Variants in TIMM23B observed in about 807,000 individuals in gnomAD.
TIMM23B encodes translocase of inner mitochondrial membrane 23 homolog B.
Under a neutral mutation model 27.3 loss-of-function variants are expected in TIMM23B, and 27 were observed. That is an observed-to-expected ratio of 0.99 (90% CI 0.73 to 1.36). The LOEUF (loss-of-function observed/expected upper bound fraction) is 1.36. Among genes scored for constraint, TIMM23B ranks in the 40% most tolerant of loss-of-function variants. The pLI is 0.00. For missense variants in TIMM23B, 205 were observed against 244.2 expected (o/e 0.84, Z 1.07); for synonymous variants, 73 against 92.4 (o/e 0.79, Z 1.21).
rs1476911804 is a variant in TIMM23B at position 49,952,493 on chromosome 10, G to A, written c.304G>A (p.Glu102Lys). ...AMNGLRLGLK[E>K]TQNMAWSKPG... is the part of the protein sequence containing the mutation. ...GAATGGTCTTCGGCTAGGATTGAAGGAAACCCAGAACATGGCCTGGTCCAA... is the reference window on the plus strand; with the variant it reads ...GAATGGTCTTCGGCTAGGATTGAAGAAAACCCAGAACATGGCCTGGTCCAA... Residue 102 changes from glutamate (E) to lysine (K), a missense_variant, in exon 4 of 7, where the codon GAA becomes AAA. Transcript: ENST00000651259. The A allele has an allele frequency of 1.2e-6, 2 of 1,613,052 alleles. No homozygotes were observed. The highest frequency in any genetic ancestry group is 1.7e-6 in the Non-Finnish European group (2 of 1,179,464).
chr10:49,944,910 T>A (rs2133046745), intron 1 of TIMM23B, 122 bp from the exon 2 acceptor site: 1 of 1,262,464 alleles, frequency 7.9e-7, no homozygotes, highest in Non-Finnish European at 1.1e-6. Context: ...TGGGAAAAAA[T>A]TTTCTGCCTT....
intron 1 of TIMM23B, among the ~76,000 whole-genome samples, chr10:49,943,714 C>T (rs2133042796): frequency 6.9e-6 from 1 of 143,992 alleles, no homozygotes; most frequent in East Asian, 2.0e-4. Context: ...TTTCTGGGGG[C>T]AGGACTATAG....
At chr10:49,948,191 G>A (rs1839413517) in intron 2 of TIMM23B, among the ~76,000 whole-genome samples, 1 of 152,068 alleles carries the variant, frequency 6.6e-6, no homozygotes, top group South Asian at 2.1e-4. Flanking sequence ...ACACCCACGG[G>A]GATCACTATA....
intron 1 of TIMM23B, among the ~76,000 whole-genome samples, chr10:49,943,682 C>CT (rs1159991765): frequency 6.8e-6 from 1 of 147,792 alleles, no homozygotes; most frequent in East Asian, 2.0e-4. Context: ...ATTTACTGAG[C>CT]TTTTACAGTG....
At chr10:49,957,137 G>C (rs1839750724) in intron 5 of TIMM23B, among the ~76,000 whole-genome samples, 1 of 151,940 alleles carries the variant, frequency 6.6e-6, no homozygotes, top group Non-Finnish European at 1.5e-5. Flanking sequence ...CTGTGCTTCT[G>C]ACCAACCAGC....
chr10:49,950,832 G>A (rs1244765421), intron 2 of TIMM23B, among the ~76,000 whole-genome samples: 10,095 of 151,910 alleles, frequency 0.066, 172 homozygotes, highest in African/African-American at 0.12. Flanking sequence ...GGGAGGCACC[G>A]TGCCTGGCCA....
intron 6 of TIMM23B, among the ~76,000 whole-genome samples, chr10:49,963,479 G>A (rs1189641641): frequency 6.6e-6 from 1 of 152,128 alleles, no homozygotes; most frequent in African/African-American, 2.4e-5. Flanking sequence ...GAGATGACAT[G>A]AGATGAAATG....
At chr10:49,955,705 C>T (rs1313946954) in intron 5 of TIMM23B, among the ~76,000 whole-genome samples, 2 of 152,112 alleles carry the variant, frequency 1.3e-5, no homozygotes, top group Non-Finnish European at 2.9e-5. Flanking sequence ...TTGAAAATCT[C>T]AATTTAAATT....
At chr10:49,964,870 G>A (rs1431644904) in intron 6 of TIMM23B, among the ~76,000 whole-genome samples, 3 of 151,536 alleles carry the variant, frequency 2.0e-5, no homozygotes, top group African/African-American at 7.3e-5. Flanking sequence ...GGGTGATAGA[G>A]TGAGACTCCG....
chr10:49,971,240 A>G (rs1210041991), intron 6 of TIMM23B, among the ~76,000 whole-genome samples: 11 of 151,528 alleles, frequency 7.3e-5, no homozygotes, highest in African/African-American at 2.4e-4. Flanking sequence ...CCTTGTTCAC[A>G]TGTTTATCTG....
chr10:49,973,097 T>G lies in TIMM23B; in HGVS notation c.*33T>G. On this transcript the variant is annotated 3_prime_UTR_variant, in exon 7 of 7. Coordinates refer to ENST00000651259, the MANE Select transcript of TIMM23B (RefSeq NM_001290117.2). ...TGTAGAGGTGTGTGTCAATCCCAAC[T>G]GGTGAAGTACTGAGAAGAAGCTACA... The G allele has an allele frequency of 1.3e-6, 2 of 1,529,390 alleles. No individual in the cohort carries two copies. The highest frequency in any genetic ancestry group is 1.7e-6 in the Non-Finnish European group (2 of 1,143,118). 94.7% of individuals were successfully genotyped at this position (1,529,390 alleles called of 1,614,324 possible).
At chr10:49,951,668 T>C (rs1839533040) in intron 2 of TIMM23B, among the ~76,000 whole-genome samples, 1 of 152,172 alleles carries the variant, frequency 6.6e-6, no homozygotes, top group Non-Finnish European at 1.5e-5. Flanking sequence ...CATTTGCCCT[T>C]GCATAATTGA....
intron 6 of TIMM23B, among the ~76,000 whole-genome samples, chr10:49,971,410 AT>A (rs1840443119): frequency 6.6e-6 from 1 of 152,050 alleles, no homozygotes; most frequent in Admixed American, 6.5e-5. Flanking sequence ...CATCCTTGTT[AT>A]TGATCTTTGT....
Position 49,942,111 on chromosome 10 carries a change from A to G in TIMM23B, c.-84A>G. ...AAGTAGGCGCTGGCAACGCGGGGTT[A>G]CCCGCTGTTATTGAGGAGTAACGGC... On this transcript the variant is annotated 5_prime_UTR_variant, in exon 1 of 7. Coordinates refer to ENST00000651259, the MANE Select transcript of TIMM23B (RefSeq NM_001290117.2). The G allele has an allele frequency of 6.9e-7, 1 of 1,452,408 alleles. No individual in the cohort carries two copies. Among genetic ancestry groups the G allele is most frequent in the Non-Finnish European group, 9.2e-7 (1 of 1,083,076 alleles). The allele number at this position is 1,452,408 out of a possible 1,614,324, so 90.0% of individuals were successfully genotyped here. A position where few individuals can be genotyped will look rare whatever the true frequency, so the allele number is the denominator to read the frequency against.
chr10:49,960,766 A>G (rs1403541537), intron 6 of TIMM23B, among the ~76,000 whole-genome samples: 1 of 152,090 alleles, frequency 6.6e-6, no homozygotes, highest in Non-Finnish European at 1.5e-5. Flanking sequence ...GTAATAAATA[A>G]CAGTTGAGCC....
intron 3 of TIMM23B, 94 bp from the exon 4 acceptor site, chr10:49,952,355 A>G (rs1839559047): frequency 1.0e-5 from 15 of 1,500,662 alleles, no homozygotes; most frequent in Non-Finnish European, 1.3e-5. Flanking sequence ...ATTAAATAAA[A>G]ATGAAAAAGA....
At position 49,966,084 on chromosome 10, in the gene TIMM23B, AC is replaced by A. The variant is rs1554855399; in HGVS notation, c.515-6927del. Among the ~76,000 whole-genome samples, 17 of 146,100 alleles carry A rather than the reference AC, an allele frequency of 1.2e-4. No individual in the cohort carries two copies. The East Asian group carries it at 3.0e-3, about 26-fold the overall frequency. On this transcript the variant is annotated intron_variant, in intron 6 of 6. Coordinates refer to ENST00000651259, the MANE Select transcript of TIMM23B (RefSeq NM_001290117.2). ...AAATGAAATGACATGACATGACATG[AC>A]ATGACATGACATGATGAAATGAAAT...
At chr10:49,945,139 A>G in intron 2 of TIMM23B, 49 bp downstream of exon 2, 1 of 1,600,228 alleles carries the variant, frequency 6.2e-7, no homozygotes, top group Admixed American at 1.7e-5. Context: ...CCATTTTTAA[A>G]AAAACGCCAA....
chr10:49,961,689 T>A (rs1413653462), intron 6 of TIMM23B, among the ~76,000 whole-genome samples: 1 of 151,900 alleles, frequency 6.6e-6, no homozygotes, highest in African/African-American at 2.4e-5. Flanking sequence ...AGCCTTGAAC[T>A]CCTGGGCTCA....
Sources: gnomAD v4.1 joint callset for allele counts (sites outside exome capture counted in the v4.1 genomes callset) on GRCh38, gnomAD v4.1.1 for gene constraint, MANE v1.5 for transcripts, NCBI Gene and HGNC (gene_info 2026-07-23, HGNC 2026-07-21) for gene names.